PDIA4: variants seen among roughly 807,000 people sequenced by gnomAD.
PDIA4 encodes protein disulfide isomerase family A member 4.
PDIA4 carries 33 observed loss-of-function variants against 62.1 expected under a neutral mutation model. The ratio of observed to expected loss-of-function variants is 0.53; its 90% CI spans 0.40 to 0.71. The LOEUF (loss-of-function observed/expected upper bound fraction) is 0.71. Among genes scored for constraint, PDIA4 ranks in the 30% least tolerant of loss-of-function variants. The pLI, the probability that PDIA4 is intolerant of heterozygous loss-of-function variation, is 0.00. For synonymous variants in PDIA4, 341 were observed against 324.1 expected, an observed-to-expected ratio of 1.05 and a Z score of -0.56; for missense variants, 804 against 813.6, an observed-to-expected ratio of 0.99 and a Z score of 0.14.
intron 6 of PDIA4, among the ~76,000 whole-genome samples, chr7:149,009,372 A>G (rs960301518): frequency 6.6e-5 from 10 of 152,212 alleles, no homozygotes; most frequent in African/African-American, 1.7e-4. Flanking sequence ...CTGTCAACTG[A>G]TGTCTATAAG....
At chr7:149,027,917 C>G (rs1411858802) in intron 1 of PDIA4, 3 of 489,562 alleles carry the variant, frequency 6.1e-6, no homozygotes, top group Non-Finnish European at 1.3e-5. Flanking sequence ...CTCGCCCCTT[C>G]TCTCCAGTGG....
chr7:149,018,228 CA>C (rs201490937), intron 3 of PDIA4, among the ~76,000 whole-genome samples: 11 of 146,330 alleles, frequency 7.5e-5, no homozygotes, highest in Admixed American at 1.4e-4. Context: ...GACTAAGTCT[CA>C]AAAAAAAAAT....
intron 6 of PDIA4, 108 bp downstream of exon 6, chr7:149,011,738 C>T: frequency 1.1e-6 from 1 of 885,722 alleles, no homozygotes; most frequent in Non-Finnish European, 1.7e-6. Context: ...AGAGATGGCT[C>T]ATCAAACCAC....
chr7:149,015,486 T>C (rs1018595058), intron 3 of PDIA4, among the ~76,000 whole-genome samples: 6 of 110,626 alleles, frequency 5.4e-5, no homozygotes, highest in African/African-American at 2.0e-4. Context: ...CGTCATAAGA[T>C]GTATGCAAAA....
intron 4 of PDIA4, among the ~76,000 whole-genome samples, chr7:149,012,694 G>T (rs1045935756): frequency 6.6e-6 from 1 of 152,194 alleles, no homozygotes; most frequent in African/African-American, 2.4e-5. Context: ...TTTCTTGGTT[G>T]GAGAGTTGGG....
rs145536019 is a variant in PDIA4 at position 149,012,313 on chromosome 7, T to C, written c.662A>G (p.Lys221Arg). The change falls in exon 5 of 10, where the codon AAG (lysine) becomes AGG (arginine). Residue 221 changes from lysine (K) to arginine (R), a missense_variant. Lys to Arg is a conservative substitution (Grantham distance 26, BLOSUM62 2). Coordinates refer to ENST00000652332, the MANE Select transcript of PDIA4 (RefSeq NM_004911.5). ...TGGAGGAGAACGCTTGCTGAGCTCCTTGGCGGCCTTCTCATACTCGGGGGC... is the reference window on the plus strand; with the variant it reads ...TGGAGGAGAACGCTTGCTGAGCTCCCTGGCGGCCTTCTCATACTCGGGGGC... ...KLAPEYEKAAKELSKRSPPIP... is the reference protein window; with the variant it reads ...KLAPEYEKAARELSKRSPPIP... The C allele has an allele frequency of 1.9e-5, 30 of 1,613,868 alleles. No homozygotes were observed. Among genetic ancestry groups the C allele is most frequent in the Admixed American group, 1.8e-4 (11 of 59,998 alleles).
At chr7:149,015,133 G>T (rs1052924569) in intron 3 of PDIA4, 91 bp from the exon 4 acceptor site, 21 of 1,336,568 alleles carry the variant, frequency 1.6e-5, no homozygotes, top group Non-Finnish European at 1.8e-5. Flanking sequence ...GGGGAAGAAA[G>T]CAAGTGTCGG....
chr7:149,021,505 A>G (rs937867111), intron 1 of PDIA4, among the ~76,000 whole-genome samples: 3 of 151,560 alleles, frequency 2.0e-5, no homozygotes, highest in African/African-American at 7.3e-5. Context: ...AAAAAAAAAA[A>G]AAAAAACTTT....
At chr7:149,023,217 T>C (rs947708924) in intron 1 of PDIA4, among the ~76,000 whole-genome samples, 25 of 152,118 alleles carry the variant, frequency 1.6e-4, no homozygotes, top group African/African-American at 5.3e-4. Flanking sequence ...CAGGCTGACA[T>C]CTCCCTGTGG....
intron 7 of PDIA4, among the ~76,000 whole-genome samples, chr7:149,007,290 C>T (rs1181767952): frequency 5.3e-5 from 8 of 152,110 alleles, no homozygotes; most frequent in Non-Finnish European, 8.8e-5. Flanking sequence ...TGCAGGCCCC[C>T]GGGATTCCTG....
chr7:149,005,830 C>G, intron 8 of PDIA4, 67 bp downstream of exon 8: 1 of 1,307,508 alleles, frequency 7.6e-7, no homozygotes, highest in Non-Finnish European at 1.0e-6. Flanking sequence ...CCTCAACACT[C>G]CACCTTGCCT....
intron 7 of PDIA4, chr7:149,006,381 G>A (rs1459913297): frequency 2.0e-5 from 5 of 248,518 alleles, no homozygotes; most frequent in African/African-American, 9.2e-5. Context: ...GTTATCACGG[G>A]CTGGGCTGTG....
intron 1 of PDIA4, 59 bp downstream of exon 1, chr7:149,028,262 C>G: frequency 6.0e-6 from 8 of 1,327,206 alleles, no homozygotes; most frequent in Non-Finnish European, 8.2e-6. Context: ...GCCCAGGCCC[C>G]CGCACAGCTC....
Position 149,005,123 on chromosome 7 carries a change from C to T in PDIA4, c.1522+18G>A. Reference sequence around the variant, plus strand: ...CACAGCAGCTGATGGGAGACCCCAGCCCCAGCCACGGGCTCACCTTTTTTG... The same window carrying T: ...CACAGCAGCTGATGGGAGACCCCAGTCCCAGCCACGGGCTCACCTTTTTTG... On this transcript the variant is annotated intron_variant, in intron 9 of 9. Transcript: ENST00000652332. 5 of 1,589,756 alleles carry T rather than the reference C, an allele frequency of 3.1e-6. No individual in the cohort carries two copies. In the Middle Eastern group the frequency reaches 5.0e-4, roughly 159 times the overall value.
In PDIA4 at chr7:149,003,417, G is replaced by A. The variant is rs985377184; in HGVS notation, c.*377C>T. The A allele has an allele frequency of 5.6e-5, 9 of 160,820 alleles. No homozygotes were observed. The highest frequency in any genetic ancestry group is 1.2e-4 in the African/African-American group (5 of 41,738). 10.0% of individuals were successfully genotyped at this position (160,820 alleles called of 1,614,324 possible). A position where few individuals can be genotyped will look rare whatever the true frequency, so the allele number is the denominator to read the frequency against. On this transcript the variant is annotated 3_prime_UTR_variant, in exon 10 of 10. Transcript: ENST00000652332. ...CTACGCCAACAATTTCTCAGACAACGAAAAAGCAAAGAGCAAAATCAACAT... is the reference window on the plus strand; with the variant it reads ...CTACGCCAACAATTTCTCAGACAACAAAAAAGCAAAGAGCAAAATCAACAT...
At chr7:149,015,129 G>T (rs1166318502) in intron 3 of PDIA4, 87 bp from the exon 4 acceptor site, 7 of 1,377,750 alleles carry the variant, frequency 5.1e-6, no homozygotes, top group South Asian at 1.3e-5. Context: ...GGAGGGGGAA[G>T]AAAGCAAGTG....
intron 2 of PDIA4, among the ~76,000 whole-genome samples, chr7:149,020,743 T>G (rs749204209): frequency 1.3e-5 from 2 of 152,158 alleles, no homozygotes; most frequent in Non-Finnish European, 2.9e-5. Context: ...TTTAACCCAC[T>G]GGACTGAGAC....
rs1823970060 is a variant in PDIA4 at position 149,012,230 on chromosome 7, C to G, written c.745G>C (p.Val249Leu). The G allele has an allele frequency of 6.2e-7, 1 of 1,614,000 alleles. No individual in the cohort carries two copies. The highest frequency in any genetic ancestry group is 8.5e-7 in the Non-Finnish European group (1 of 1,180,022). The change falls in exon 5 of 10, where the codon GTC becomes CTC. Residue 249 changes from valine (V) to leucine (L), a missense_variant. By Grantham distance (32) the Val-to-Leu change is conservative. Coordinates refer to ENST00000652332, the MANE Select transcript of PDIA4 (RefSeq NM_004911.5). ...AETDLAKRFD[V>L]SGYPTLKIFR... ...ATTTTCAGGGTGGGATAGCCAGAGA[C>G]ATCAAACCTCTTGGCCAGGTCTGTT...
chr7:149,004,229 G>A lies in PDIA4; in HGVS notation c.1523-20C>T, dbSNP rs748131564. The A allele has an allele frequency of 8.4e-5, 134 of 1,600,920 alleles. No individual in the cohort carries two copies. The highest frequency in any genetic ancestry group is 9.7e-5 in the Non-Finnish European group (114 of 1,172,984). ...GTTTTCCTGCCAAGGAAAGCAAGGC[G>A]GGAGGGGGCGTCAGTGCTGCAAAGG... On this transcript the variant is annotated intron_variant, in intron 9 of 9. Coordinates refer to ENST00000652332, the MANE Select transcript of PDIA4 (RefSeq NM_004911.5).
Sources: gnomAD v4.1 joint callset for allele counts (sites outside exome capture counted in the v4.1 genomes callset) on GRCh38, gnomAD v4.1.1 for gene constraint, MANE v1.5 for transcripts, NCBI Gene and HGNC (gene_info 2026-07-23, HGNC 2026-07-21) for gene names.